ZMYM2: variants seen among roughly 807,000 people sequenced by gnomAD.
The protein encoded by ZMYM2 is zinc finger MYM-type containing 2, also known as zinc finger MYM-type protein 2.
ZMYM2 carries 56 observed loss-of-function variants against 162.8 expected under a neutral mutation model. That is an observed-to-expected ratio of 0.34 (90% confidence interval 0.28 to 0.43). The LOEUF (loss-of-function observed/expected upper bound fraction) is 0.43, where lower values mean the gene tolerates loss of function less well. Among genes scored for constraint, ZMYM2 ranks in the 20% least tolerant of loss-of-function variants. The probability of loss-of-function intolerance (pLI) is 1.00; values close to 1 mark genes in which losing one functional copy is unlikely to be tolerated. For synonymous variants in ZMYM2, 510 were observed against 541.6 expected (o/e 0.94, Z 0.81); for missense variants, 1,275 against 1,621.8 (o/e 0.79, Z 3.67).
At position 20,087,781 on chromosome 13, in the gene ZMYM2, TA is replaced by T; in HGVS notation, c.*1771del. 1 of 186,898 alleles carries T rather than the reference TA, an allele frequency of 5.4e-6. No individual in the cohort carries two copies. Among genetic ancestry groups the T allele is most frequent in the Non-Finnish European group, 1.1e-5 (1 of 88,406 alleles). 11.6% of individuals were successfully genotyped at this position (186,898 alleles called of 1,614,324 possible). ...AGTAGCAAATCTGATCATACATTAC[TA>T]AAATAGATTGCTGATTGTCTATTTA... On this transcript the variant is annotated 3_prime_UTR_variant, in exon 25 of 25. Coordinates refer to ENST00000610343, the MANE Select transcript of ZMYM2 (RefSeq NM_197968.4).
chr13:20,014,240 A>G (rs1951428843), intron 6 of ZMYM2, among the ~76,000 whole-genome samples: 1 of 151,950 alleles, frequency 6.6e-6, no homozygotes, highest in African/African-American at 2.4e-5. Context: ...CGCCCAGCTA[A>G]TTTTTGAATT....
chr13:19,981,051 C>G (rs1213094695), intron 2 of ZMYM2, among the ~76,000 whole-genome samples: 1 of 152,062 alleles, frequency 6.6e-6, no homozygotes, highest in Non-Finnish European at 1.5e-5. Context: ...GTGGGAAGAT[C>G]ACTTAGGGCC....
chr13:20,046,078 CAAA>C (rs34444937), intron 12 of ZMYM2, among the ~76,000 whole-genome samples: 6 of 96,888 alleles, frequency 6.2e-5, no homozygotes, highest in East Asian at 3.0e-4. Flanking sequence ...CCCATCTCTG[CAAA>C]AAAAAAAAAA....
chr13:19,989,310 T>C (rs1179746571), intron 2 of ZMYM2, among the ~76,000 whole-genome samples: 1 of 152,182 alleles, frequency 6.6e-6, no homozygotes, highest in Non-Finnish European at 1.5e-5. Context: ...TTTTTGTTTT[T>C]GTTTTCTTTT....
the ZMYM2 span, among the ~76,000 whole-genome samples, chr13:19,921,656 AACAT>A: frequency 1.3e-5 from 2 of 152,184 alleles, no homozygotes; most frequent in Admixed American, 1.3e-4. Context: ...CAAAATTATA[AACAT>A]ATTCTTCAAT....
At chr13:19,881,699 A>C in the ZMYM2 span, among the ~76,000 whole-genome samples, 1 of 151,878 alleles carries the variant, frequency 6.6e-6, no homozygotes, top group African/African-American at 2.4e-5. Context: ...AAAAAATGAA[A>C]TTTGGTCAGG....
intron 12 of ZMYM2, among the ~76,000 whole-genome samples, chr13:20,050,638 TAAG>T (rs1319941948): frequency 2.0e-5 from 3 of 152,038 alleles, no homozygotes; most frequent in Non-Finnish European, 4.4e-5. Flanking sequence ...GTCAAGACGT[TAAG>T]AAATAGTGAA....
At chr13:20,060,128 T>C (rs1956119939) in intron 16 of ZMYM2, among the ~76,000 whole-genome samples, 1 of 152,218 alleles carries the variant, frequency 6.6e-6, no homozygotes, top group Admixed American at 6.5e-5. Flanking sequence ...TAGACTTTGG[T>C]ATCCATCCAC....
intron 3 of ZMYM2, among the ~76,000 whole-genome samples, chr13:20,000,233 A>G (rs6490506): frequency 0.1 from 15,517 of 152,242 alleles, 1,264 homozygotes; most frequent in African/African-American, 0.22. Context: ...ATGAGAACTG[A>G]GAGAGATAAG....
the ZMYM2 span, among the ~76,000 whole-genome samples, chr13:19,889,336 T>C: frequency 2.0e-5 from 3 of 151,962 alleles, no homozygotes; most frequent in Non-Finnish European, 4.4e-5. Context: ...ATTTTACTTT[T>C]AGACAGAGTT....
At chr13:20,003,246 A>T in intron 4 of ZMYM2, 111 bp downstream of exon 4, 1 of 1,297,900 alleles carries the variant, frequency 7.7e-7, no homozygotes, top group South Asian at 1.6e-5. Context: ...TATCAAGTCC[A>T]GGTGGCATAT....
chr13:20,046,607 GTATATATATGTGTA>G (rs1244409873), intron 12 of ZMYM2, among the ~76,000 whole-genome samples: 5 of 104,366 alleles, frequency 4.8e-5, no homozygotes, highest in Admixed American at 3.2e-4. Flanking sequence ...GTGTGTGTGT[GTATATATATGTGTA>G]TATATATGTG....
At chr13:19,999,043 G>A (rs1389019871) in intron 3 of ZMYM2, among the ~76,000 whole-genome samples, 3 of 152,154 alleles carry the variant, frequency 2.0e-5, no homozygotes, top group Non-Finnish European at 4.4e-5. Context: ...AGCAACTAGT[G>A]CAGCAAACTG....
intron 21 of ZMYM2, chr13:20,070,586 C>G (rs1957008847): frequency 6.5e-6 from 1 of 152,886 alleles, no homozygotes; most frequent in Admixed American, 6.5e-5. Context: ...GATGTTGGCT[C>G]ACTGCAACCT....
chr13:20,017,265 G>A (rs1335571479), intron 6 of ZMYM2, among the ~76,000 whole-genome samples: 1 of 152,216 alleles, frequency 6.6e-6, no homozygotes, highest in Non-Finnish European at 1.5e-5. Context: ...TGGAAGTCTA[G>A]GCTAATTGGC....
At chr13:19,881,911 G>A in the ZMYM2 span, among the ~76,000 whole-genome samples, 1 of 151,284 alleles carries the variant, frequency 6.6e-6, no homozygotes, top group Non-Finnish European at 1.5e-5. Context: ...GAACTTGGGA[G>A]GCAGCAGCTG....
At chr13:19,975,106 C>T (rs911551212) in intron 2 of ZMYM2, among the ~76,000 whole-genome samples, 1 of 149,388 alleles carries the variant, frequency 6.7e-6, no homozygotes, top group African/African-American at 2.5e-5. Context: ...TACGATATGA[C>T]AAAAATTTTC....
intron 22 of ZMYM2, 65 bp from the exon 23 acceptor site, chr13:20,082,716 T>G: frequency 7.5e-7 from 1 of 1,334,910 alleles, no homozygotes; most frequent in Non-Finnish European, 1.0e-6. Context: ...TGTGTCTGCT[T>G]CTAGATGGTT....
At chr13:19,993,995 T>C in intron 3 of ZMYM2, 76 bp downstream of exon 3, 1 of 1,463,782 alleles carries the variant, frequency 6.8e-7, no homozygotes, top group Admixed American at 2.3e-5. Flanking sequence ...TTGTAGTAAC[T>C]GGTATTACCT....
Sources: allele counts gnomAD v4.1 joint callset (sites outside exome capture counted in the v4.1 genomes callset), GRCh38; gene constraint gnomAD v4.1.1; transcripts MANE v1.5; gene names NCBI Gene and HGNC (gene_info 2026-07-23, HGNC 2026-07-21).